The following DPF3 variants were observed in gnomAD, a reference collection of about 807,000 sequenced individuals.
The protein encoded by DPF3 is zinc finger protein DPF3.
DPF3 carries 18 observed loss-of-function variants against 56.8 expected under a neutral mutation model. That is an observed-to-expected ratio of 0.32 (90% CI 0.22 to 0.47). The LOEUF is 0.47. Ranked by LOEUF, DPF3 falls within the 20% of genes least tolerant of loss-of-function variation. The pLI, the probability that DPF3 is intolerant of heterozygous loss-of-function variation, is 1.00. For missense variants in DPF3, 403 were observed against 488.8 expected (o/e 0.82, Z 1.65); for synonymous variants, 188 against 180.2 (o/e 1.04, Z -0.35).
chr14:72,687,339 C>T (rs749108119), intron 7 of DPF3, among the ~76,000 whole-genome samples: 1 of 152,184 alleles, frequency 6.6e-6, no homozygotes, highest in Non-Finnish European at 1.5e-5. Flanking sequence ...CTCTTAGGAG[C>T]TCTGAGTATG....
intron 4 of DPF3, among the ~76,000 whole-genome samples, chr14:72,729,849 G>C (rs989266077): frequency 6.6e-6 from 1 of 152,164 alleles, no homozygotes; most frequent in African/African-American, 2.4e-5. Flanking sequence ...AGAGTGGACA[G>C]ATGCCATTAC....
In DPF3 at chr14:72,860,107, C is replaced by T. The variant is rs544413477; in HGVS notation, c.32+33950G>A. On this transcript the variant is annotated intron_variant, in intron 1 of 10. Transcript: ENST00000556509. ...TTCAGAATTTTTACAAGCTTAGCTGCGATGTTGACCAAAGTTCTCCCCACT... is the reference window on the plus strand; with the variant it reads ...TTCAGAATTTTTACAAGCTTAGCTGTGATGTTGACCAAAGTTCTCCCCACT... 7.2e-5 allele frequency among the ~76,000 whole-genome samples: 11 copies of T among 152,296 alleles called. No individual in the cohort carries two copies. The South Asian group carries it at 1.0e-3, about 14-fold the overall frequency.
intron 1 of DPF3, among the ~76,000 whole-genome samples, chr14:72,874,802 T>C (rs866620670): frequency 6.1e-4 from 93 of 152,330 alleles, no homozygotes; most frequent in Middle Eastern, 3.4e-3. Context: ...ACTGTTCCAA[T>C]CTCTGCCTGT....
intron 1 of DPF3, 72 bp downstream of exon 1, chr14:72,893,985 C>T: frequency 6.3e-7 from 1 of 1,585,270 alleles, no homozygotes; most frequent in Non-Finnish European, 8.6e-7. Context: ...TGGCAGCGCT[C>T]GCCACGCAGA....
In DPF3 at chr14:72,737,412, T is replaced by C. The variant is rs573528278; in HGVS notation, c.302-5478A>G. On this transcript the variant is annotated intron_variant, in intron 3 of 10. Transcript: ENST00000556509. Reference sequence around the variant, plus strand: ...GGAGCCACCGAGCTCATTAACAGGATGCAGGCGAGATGAGTCTGAAAGTGC... The same window carrying C: ...GGAGCCACCGAGCTCATTAACAGGACGCAGGCGAGATGAGTCTGAAAGTGC... 9.9e-5 allele frequency among the ~76,000 whole-genome samples: 15 copies of C among 152,150 alleles called. No homozygotes were observed. In the East Asian group the frequency reaches 2.1e-3, roughly 22 times the overall value.
intron 1 of DPF3, chr14:72,774,078 A>G: frequency 2.4e-6 from 1 of 422,864 alleles, no homozygotes; most frequent in South Asian, 1.7e-5. Flanking sequence ...TGAGGTCAGG[A>G]GTTCGAGACC....
chr14:72,881,056 T>G (rs753211938), intron 1 of DPF3, among the ~76,000 whole-genome samples: 8 of 152,160 alleles, frequency 5.3e-5, no homozygotes, highest in Non-Finnish European at 1.2e-4. Context: ...TAAAGACGCA[T>G]AAAGCAGCAG....
At chr14:72,713,516 C>G (rs527421505) in intron 6 of DPF3, among the ~76,000 whole-genome samples, 13 of 152,324 alleles carry the variant, frequency 8.5e-5, no homozygotes, top group East Asian at 5.8e-4. Flanking sequence ...GGTCCAGCCT[C>G]GACTGTTTCA....
intron 3 of DPF3, among the ~76,000 whole-genome samples, chr14:72,741,734 T>A (rs918483881): frequency 6.6e-6 from 1 of 152,222 alleles, no homozygotes; most frequent in Admixed American, 6.5e-5. Context: ...GGGATACAGA[T>A]GAAGAAACAG....
intron 1 of DPF3, among the ~76,000 whole-genome samples, chr14:72,830,889 A>G (rs961698219): frequency 3.3e-5 from 5 of 151,944 alleles, no homozygotes. Flanking sequence ...CCTTTCTCCA[A>G]TCCTGCTCAT....
At position 72,616,062 on chromosome 14, in the gene DPF3, G is replaced by A. The variant is rs1377662751; in HGVS notation, c.*3235C>T. ...TGCAGAAAATGACAATAGCTACCAT[G>A]GAGTGGGGACCATCATCATGCCAGA... On this transcript the variant is annotated 3_prime_UTR_variant, in exon 11 of 11. Coordinates refer to ENST00000556509, the MANE Select transcript of DPF3 (RefSeq NM_001280542.3). Among the ~76,000 whole-genome samples the A allele has an allele frequency of 4.6e-5, 7 of 152,166 alleles. No homozygotes were observed. Among genetic ancestry groups the A allele is most frequent in the African/African-American group, 1.7e-4 (7 of 41,428 alleles).
At chr14:72,823,020 A>C (rs1883623480) in intron 1 of DPF3, among the ~76,000 whole-genome samples, 1 of 152,198 alleles carries the variant, frequency 6.6e-6, no homozygotes, top group Non-Finnish European at 1.5e-5. Context: ...TCCTTTTCTC[A>C]TCCCTATTGC....
intron 1 of DPF3, among the ~76,000 whole-genome samples, chr14:72,838,521 C>T (rs914921419): frequency 6.6e-6 from 1 of 151,988 alleles, no homozygotes; most frequent in Non-Finnish European, 1.5e-5. Flanking sequence ...GAGAAGACAG[C>T]AGTCCATTCA....
chr14:72,770,105 T>G (rs1891459878), intron 2 of DPF3, among the ~76,000 whole-genome samples: 1 of 152,156 alleles, frequency 6.6e-6, no homozygotes, highest in South Asian at 2.1e-4. Flanking sequence ...GAAGGGCTGC[T>G]AACATCAGTA....
chr14:72,803,462 A>G (rs1892966374), intron 1 of DPF3, among the ~76,000 whole-genome samples: 1 of 152,202 alleles, frequency 6.6e-6, no homozygotes, highest in African/African-American at 2.4e-5. Flanking sequence ...CTCACTACAA[A>G]AAAAGAGGTT....
intron 8 of DPF3, among the ~76,000 whole-genome samples, chr14:72,663,638 C>A (rs753132243): frequency 6.6e-6 from 1 of 152,126 alleles, no homozygotes; most frequent in Non-Finnish European, 1.5e-5. Flanking sequence ...AAGGAGTGAG[C>A]AATGAAACCA....
intron 1 of DPF3, among the ~76,000 whole-genome samples, chr14:72,794,970 C>T (rs141727096): frequency 7.2e-4 from 110 of 152,232 alleles, no homozygotes; most frequent in African/African-American, 2.5e-3. Flanking sequence ...CGTCCTGTCT[C>T]CCTCTTGCAA....
rs140070225 is a variant in DPF3, at chr14:72,660,120, T to C, written c.871+14120A>G. On this transcript the variant is annotated intron_variant, in intron 8 of 10. Transcript: ENST00000556509. The stretch of plus-strand genomic sequence containing the variant: ...AAGATGAAAAAATCCTAGAGATGGA[T>C]GGTGATGATGGTTGCACGACAATGT... 3.2e-3 allele frequency among the ~76,000 whole-genome samples: 488 copies of C among 152,198 alleles called. 1 individual carries two copies. Among genetic ancestry groups the C allele is most frequent in the Non-Finnish European group, 5.4e-3 (367 of 68,024 alleles).
intron 2 of DPF3, among the ~76,000 whole-genome samples, chr14:72,754,446 A>G (rs1890706257): frequency 6.6e-6 from 1 of 152,230 alleles, no homozygotes; most frequent in African/African-American, 2.4e-5. Context: ...TGTGCCTGAC[A>G]CAGAGCAGAA....
Sources: allele counts gnomAD v4.1 joint callset (sites outside exome capture counted in the v4.1 genomes callset), GRCh38; gene constraint gnomAD v4.1.1; transcripts MANE v1.5; gene names NCBI Gene and HGNC (gene_info 2026-07-23, HGNC 2026-07-21).